TINAG: variants seen among roughly 807,000 people sequenced by gnomAD.
TINAG encodes tubulointerstitial nephritis antigen.
TINAG carries 83 observed loss-of-function variants against 72.7 expected under a neutral mutation model. The ratio of observed to expected loss-of-function variants is 1.14; its 90% CI spans 0.96 to 1.37. The LOEUF (loss-of-function observed/expected upper bound fraction) is 1.37. Among genes scored for constraint, TINAG ranks in the 40% most tolerant of loss-of-function variants. TINAG has a pLI of 0.00. For missense variants in TINAG, 685 were observed against 576.6 expected, an observed-to-expected ratio of 1.19 and a Z score of -1.93; for synonymous variants, 234 against 189.9, an observed-to-expected ratio of 1.23 and a Z score of -1.91.
chr6:54,378,075 A>C (rs1237250176), intron 9 of TINAG, among the ~76,000 whole-genome samples: 2 of 152,120 alleles, frequency 1.3e-5, no homozygotes, highest in Non-Finnish European at 2.9e-5. Flanking sequence ...TTGCAGTGCA[A>C]ATGTTAAATC....
At position 54,376,390 on chromosome 6, in the gene TINAG, G is replaced by A. The variant is rs186585837; in HGVS notation, c.1251-4136G>A. ...ACTAACAGGTGTAGTATACAAGAGA[G>A]ATTCTGTGCTTACCTTAAAAGGGAT... On this transcript the variant is annotated intron_variant, in intron 9 of 10. Coordinates refer to ENST00000259782, the MANE Select transcript of TINAG (RefSeq NM_014464.4). Among the ~76,000 whole-genome samples the A allele has an allele frequency of 3.9e-5, 6 of 152,158 alleles. No individual in the cohort carries two copies. The East Asian group carries it at 1.2e-3, about 29-fold the overall frequency.
intron 4 of TINAG, among the ~76,000 whole-genome samples, chr6:54,339,492 C>T (rs1276256597): frequency 6.6e-6 from 1 of 152,174 alleles, no homozygotes; most frequent in Non-Finnish European, 1.5e-5. Context: ...ATCTCAGAAG[C>T]TACTTTACAT....
chr6:54,332,026 A>G (rs776682437), intron 4 of TINAG, among the ~76,000 whole-genome samples: 12 of 152,230 alleles, frequency 7.9e-5, no homozygotes, highest in Non-Finnish European at 1.5e-4. Flanking sequence ...CAACATTGTG[A>G]AAATGACCAT....
intron 4 of TINAG, chr6:54,327,146 A>G: frequency 1.1e-5 from 17 of 1,548,320 alleles, no homozygotes; most frequent in Non-Finnish European, 1.5e-5. Flanking sequence ...TTTAGGAATG[A>G]TTGAATGGGC....
chr6:54,376,062 A>C (rs1355711143), intron 9 of TINAG, among the ~76,000 whole-genome samples: 3 of 152,132 alleles, frequency 2.0e-5, no homozygotes, highest in Admixed American at 6.6e-5. Flanking sequence ...TGAGGTTTTC[A>C]TGGCTGTATG....
intron 4 of TINAG, among the ~76,000 whole-genome samples, chr6:54,338,910 A>G (rs9474812): frequency 0.031 from 4,697 of 152,154 alleles, 247 homozygotes; most frequent in African/African-American, 0.11. Context: ...GAAGACAAAA[A>G]TCTAATTTTC....
At chr6:54,371,828 A>G (rs1162714566) in intron 9 of TINAG, among the ~76,000 whole-genome samples, 1 of 152,040 alleles carries the variant, frequency 6.6e-6, no homozygotes, top group African/African-American at 2.4e-5. Flanking sequence ...TTTAGTTGGG[A>G]AATACCAAGG....
chr6:54,322,091 A>G (rs1330374382), intron 3 of TINAG, among the ~76,000 whole-genome samples: 1 of 152,140 alleles, frequency 6.6e-6, no homozygotes, highest in Non-Finnish European at 1.5e-5. Context: ...GGATCACTTG[A>G]GGCCAGGAGT....
At chr6:54,359,854 T>C (rs1046120106) in intron 9 of TINAG, among the ~76,000 whole-genome samples, 1 of 151,856 alleles carries the variant, frequency 6.6e-6, no homozygotes, top group Non-Finnish European at 1.5e-5. Context: ...ATGAATGCAT[T>C]AATGAATTAG....
intron 1 of TINAG, among the ~76,000 whole-genome samples, chr6:54,319,881 T>C (rs1480763534): frequency 2.6e-5 from 4 of 152,164 alleles, no homozygotes; most frequent in Non-Finnish European, 4.4e-5. Context: ...AAAAGGAATT[T>C]AAATTTTTAA....
intron 4 of TINAG, among the ~76,000 whole-genome samples, chr6:54,335,346 A>G (rs1409798146): frequency 6.6e-6 from 1 of 152,224 alleles, no homozygotes; most frequent in Non-Finnish European, 1.5e-5. Context: ...AAGAATTTAA[A>G]TTACCTAGTG....
intron 2 of TINAG, 68 bp from the exon 3 acceptor site, chr6:54,321,229 C>A: frequency 8.5e-7 from 1 of 1,170,532 alleles, no homozygotes; most frequent in Non-Finnish European, 1.3e-6. Context: ...CAATGTATAA[C>A]TCTTTTTACT....
intron 4 of TINAG, among the ~76,000 whole-genome samples, chr6:54,332,501 A>C: frequency 6.6e-6 from 1 of 152,208 alleles, no homozygotes; most frequent in Non-Finnish European, 1.5e-5. Context: ...ATAAGACCTA[A>C]AACCATAAAA....
Position 54,308,504 on chromosome 6 carries a change from G to A in TINAG, c.-47G>A. 4 of 1,507,760 alleles carry A rather than the reference G, an allele frequency of 2.7e-6. No individual in the cohort carries two copies. Among genetic ancestry groups the A allele is most frequent in the Non-Finnish European group, 3.6e-6 (4 of 1,111,690 alleles). 93.4% of individuals were successfully genotyped at this position (1,507,760 alleles called of 1,614,324 possible). On this transcript the variant is annotated 5_prime_UTR_variant, in exon 1 of 11. Transcript: ENST00000259782. Reference sequence around the variant, plus strand: ...CCAAGGAGAAGCCCACAAGGCTAAGGGTATTGGATATAACGGAAAGTGGAA... The same window carrying A: ...CCAAGGAGAAGCCCACAAGGCTAAGAGTATTGGATATAACGGAAAGTGGAA...
intron 4 of TINAG, among the ~76,000 whole-genome samples, chr6:54,337,057 G>A (rs2150949812): frequency 6.6e-6 from 1 of 151,810 alleles, no homozygotes; most frequent in Middle Eastern, 3.4e-3. Context: ...TTTTTGAGGT[G>A]AGAAATGGAA....
intron 9 of TINAG, among the ~76,000 whole-genome samples, chr6:54,361,570 C>T (rs1763239265): frequency 6.6e-6 from 1 of 151,678 alleles, no homozygotes; most frequent in South Asian, 2.1e-4. Context: ...CACTAAGCCC[C>T]TCCATAATAC....
At position 54,360,841 on chromosome 6, in the gene TINAG, G is replaced by GTTTTTTTTTTTTTTTTTTTTTTTTTT. The variant is rs70983415; in HGVS notation, c.1250+6211_1250+6236dup. ...GTTTCTTGTGTTTCACAGATACTGTGTTTTTTTTTTTTTTTTTTTTTTTTT... is the reference window on the plus strand; with the variant it reads ...GTTTCTTGTGTTTCACAGATACTGTGTTTTTTTTTTTTTTTTTTTTTTTTTTTTTTTTTTTTTTTTTTTTTTTTTTT... On this transcript the variant is annotated intron_variant, in intron 9 of 10. Transcript: ENST00000259782. Among the ~76,000 whole-genome samples the GTTTTTTTTTTTTTTTTTTTTTTTTTT allele has an allele frequency of 8.4e-4, 22 of 26,254 alleles. 3 individuals are homozygous for GTTTTTTTTTTTTTTTTTTTTTTTTTT. Among genetic ancestry groups the GTTTTTTTTTTTTTTTTTTTTTTTTTT allele is most frequent in the Non-Finnish European group, 1.2e-3 (14 of 11,786 alleles). The allele number at this position is 26,254 out of a possible 152,430, so 17.2% of individuals were successfully genotyped here.
intron 9 of TINAG, among the ~76,000 whole-genome samples, chr6:54,354,879 G>A (rs553661417): frequency 3.3e-5 from 5 of 151,862 alleles, no homozygotes; most frequent in South Asian, 4.1e-4. Flanking sequence ...TTAAGAATCC[G>A]TTCTAAGGGC....
At chr6:54,325,773 T>A (rs1195569533) in intron 3 of TINAG, among the ~76,000 whole-genome samples, 1 of 152,216 alleles carries the variant, frequency 6.6e-6, no homozygotes, top group African/African-American at 2.4e-5. Flanking sequence ...TGAATTATAC[T>A]ACAATATCTC....
Sources: gnomAD v4.1 joint callset for allele counts (sites outside exome capture counted in the v4.1 genomes callset) on GRCh38, gnomAD v4.1.1 for gene constraint, MANE v1.5 for transcripts, NCBI Gene and HGNC (gene_info 2026-07-23, HGNC 2026-07-21) for gene names.